Variants in COL12A1 observed in about 807,000 individuals in gnomAD.
COL12A1 encodes the protein collagen type XII alpha 1 chain, also known as collagen alpha-1(XII) chain.
A neutral mutation model predicts 349.7 loss-of-function variants in COL12A1; 114 were observed. The ratio of observed to expected loss-of-function variants is 0.33; its 90% CI spans 0.28 to 0.38. The LOEUF (loss-of-function observed/expected upper bound fraction) is 0.38. Among genes scored for constraint, COL12A1 ranks in the 10% least tolerant of loss-of-function variants. The pLI is 1.00. For synonymous variants in COL12A1, 1,369 were observed against 1,329.0 expected, an observed-to-expected ratio of 1.03 and a Z score of -0.66; for missense variants, 3,284 against 3,756.9, an observed-to-expected ratio of 0.87 and a Z score of 3.29.
intron 64 of COL12A1, among the ~76,000 whole-genome samples, chr6:75,088,779 T>C (rs576410248): frequency 7.9e-5 from 12 of 151,724 alleles, no homozygotes; most frequent in Admixed American, 5.9e-4. Context: ...AGTGGGAAGA[T>C]CATGAGGTCA....
intron 13 of COL12A1, among the ~76,000 whole-genome samples, chr6:75,167,396 C>A (rs1471143582): frequency 6.6e-6 from 1 of 152,132 alleles, no homozygotes; most frequent in East Asian, 1.9e-4. Context: ...TGTGAAATGA[C>A]CTTGCTTGAA....
intron 2 of COL12A1, among the ~76,000 whole-genome samples, chr6:75,196,423 ATAAT>A (rs1770228918): frequency 1.3e-5 from 2 of 152,350 alleles, no homozygotes; most frequent in South Asian, 2.1e-4. Flanking sequence ...TTTAATGGAA[ATAAT>A]TAAGCAAACA....
chr6:75,166,954 A>G (rs1243541726), intron 13 of COL12A1, among the ~76,000 whole-genome samples: 2 of 152,168 alleles, frequency 1.3e-5, no homozygotes, highest in South Asian at 2.1e-4. Context: ...CCAAGCCCAA[A>G]TGGAAAATTC....
At chr6:75,143,508 G>GA (rs1177745568) in intron 25 of COL12A1, 120 bp from the exon 26 acceptor site, 9 of 1,013,280 alleles carry the variant, frequency 8.9e-6, no homozygotes, top group East Asian at 2.7e-5. Context: ...CAAAATAACT[G>GA]AAAAAAATGA....
At chr6:75,182,108 AAAAG>A (rs1769340869) in intron 10 of COL12A1, among the ~76,000 whole-genome samples, 1 of 151,716 alleles carries the variant, frequency 6.6e-6, no homozygotes, top group Non-Finnish European at 1.5e-5. Flanking sequence ...AAAAAAAAAA[AAAAG>A]AAAAAAAAAC....
chr6:75,131,041 CAGTT>C, intron 35 of COL12A1, 60 bp from the exon 36 acceptor site: 1 of 1,603,106 alleles, frequency 6.2e-7, no homozygotes, highest in Non-Finnish European at 8.5e-7. Flanking sequence ...ACCAAGTCTT[CAGTT>C]AGTCATCACA....
chr6:75,190,343 T>C (rs1015141265), intron 5 of COL12A1, among the ~76,000 whole-genome samples: 10 of 151,960 alleles, frequency 6.6e-5, no homozygotes, highest in African/African-American at 2.4e-4. Flanking sequence ...CTTTTCAATA[T>C]AATTGTCTAA....
intron 2 of COL12A1, among the ~76,000 whole-genome samples, chr6:75,201,647 C>A (rs560444076): frequency 6.6e-6 from 1 of 151,728 alleles, no homozygotes; most frequent in African/African-American, 2.4e-5. Flanking sequence ...AAAAAGATAT[C>A]TTTCATGACA....
In COL12A1 at chr6:75,085,406, G is replaced by GCACA. The variant is rs59844830; in HGVS notation, c.*1137_*1140dup. The GCACA allele has an allele frequency of 0.58, 246,146 of 422,404 alleles. 55,801 individuals are homozygous for GCACA. Among genetic ancestry groups the GCACA allele is most frequent in the Non-Finnish European group, 0.65 (130,288 of 199,398 alleles). The allele number at this position is 422,404 out of a possible 1,614,324, so 26.2% of individuals were successfully genotyped here. On this transcript the variant is annotated 3_prime_UTR_variant, in exon 66 of 66. Coordinates refer to ENST00000322507, the MANE Select transcript of COL12A1 (RefSeq NM_004370.6). ...TTACAATTATGGCATGATTTGGAAG[G>GCACA]CACACACACACACACACAGCAAAAG... is the stretch of plus-strand genomic sequence containing the variant.
At chr6:75,089,595 C>G (rs1582029312) in intron 63 of COL12A1, among the ~76,000 whole-genome samples, 1 of 152,132 alleles carries the variant, frequency 6.6e-6, no homozygotes. Context: ...ACTCCTTTGA[C>G]AAAAGTGGAT....
chr6:75,149,676 ACT>A (rs986332335), intron 21 of COL12A1, among the ~76,000 whole-genome samples: 1 of 151,924 alleles, frequency 6.6e-6, no homozygotes, highest in Non-Finnish European at 1.5e-5. Context: ...TCTCGTATAA[ACT>A]CTTTCTACTT....
At position 75,126,544 on chromosome 6, in the gene COL12A1, C is replaced by T. The variant is rs137999780; in HGVS notation, c.6341-74G>A. ...GGAGAGCACAAAACTTTAAAAGTAT[C>T]GGTAGGAAAGCCCAATGGGAGCAAT... is the stretch of plus-strand genomic sequence containing the variant. On this transcript the variant is annotated intron_variant, in intron 38 of 65. Transcript: ENST00000322507. 2.2e-4 allele frequency: 328 copies of T among 1,487,580 alleles called. 2 individuals carry two copies. The East Asian group carries it at 6.5e-3, about 29-fold the overall frequency. The allele number at this position is 1,487,580 out of a possible 1,614,324, so 92.1% of individuals were successfully genotyped here.
intron 2 of COL12A1, among the ~76,000 whole-genome samples, chr6:75,201,997 G>A (rs1274915028): frequency 6.6e-6 from 1 of 152,214 alleles, no homozygotes; most frequent in Non-Finnish European, 1.5e-5. Flanking sequence ...CAACTCCGGC[G>A]CGCGCTTGCT....
At chr6:75,161,908 A>T (rs954904022) in intron 14 of COL12A1, among the ~76,000 whole-genome samples, 1 of 152,180 alleles carries the variant, frequency 6.6e-6, no homozygotes, top group African/African-American at 2.4e-5. Context: ...CACAATTGCT[A>T]CAAAGAGAAT....
Position 75,126,439 on chromosome 6 carries a change from G to A in COL12A1, c.6372C>T (p.Ile2124=). ...VGLLPPQNIH[I]SDEWYTRFRV... ...TGAATCTTGTATACCATTCGTCAGA[G>A]ATGTGTATGTTCTGAGGAGGAAGGA... Residue 2124 remains isoleucine, a synonymous_variant, in exon 39 of 66, where the codon ATC becomes ATT. Transcript: ENST00000322507. 1 of 1,611,292 alleles carries A rather than the reference G, an allele frequency of 6.2e-7. No individual in the cohort carries two copies. Among genetic ancestry groups the A allele is most frequent in the East Asian group, 2.2e-5 (1 of 44,808 alleles).
intron 41 of COL12A1, 52 bp from the exon 42 acceptor site, chr6:75,124,146 A>T (rs1765893457): frequency 1.3e-6 from 2 of 1,595,814 alleles, no homozygotes; most frequent in Admixed American, 1.7e-5. Context: ...TTATATTTCA[A>T]GAAAATTTTA....
At position 75,105,429 on chromosome 6, in the gene COL12A1, T is replaced by C. The variant is rs76348881; in HGVS notation, c.8179-137A>G. On this transcript the variant is annotated intron_variant, in intron 53 of 65. Transcript: ENST00000322507. Reference sequence around the variant, plus strand: ...ATTTTAATTATCATTATGAATAGTCTTATGTTGAAACTTGCTGTGCTCCTT... The same window carrying C: ...ATTTTAATTATCATTATGAATAGTCCTATGTTGAAACTTGCTGTGCTCCTT... The C allele has an allele frequency of 1.3e-3, 872 of 653,098 alleles. 1 individual carries two copies. The highest frequency in any genetic ancestry group is 0.013 in the African/African-American group (693 of 54,596). The allele number at this position is 653,098 out of a possible 1,614,324, so 40.5% of individuals were successfully genotyped here.
intron 65 of COL12A1, 113 bp downstream of exon 65, chr6:75,087,464 T>G (rs1273518398): frequency 4.1e-6 from 4 of 972,706 alleles, no homozygotes; most frequent in Non-Finnish European, 6.3e-6. Context: ...ACTGAAAGAG[T>G]TGTTATCTTC....
chr6:75,117,273 AG>A, intron 47 of COL12A1, 108 bp downstream of exon 47: 1 of 1,085,222 alleles, frequency 9.2e-7, no homozygotes, highest in Non-Finnish European at 1.3e-6. Context: ...GTGATTTCCC[AG>A]GATCTATTTA....
Sources: allele counts gnomAD v4.1 joint callset (sites outside exome capture counted in the v4.1 genomes callset), GRCh38; gene constraint gnomAD v4.1.1; transcripts MANE v1.5; gene names NCBI Gene and HGNC (gene_info 2026-07-23, HGNC 2026-07-21).